The following INSYN2B variants were observed in gnomAD, a reference collection of about 807,000 sequenced individuals.
INSYN2B encodes inhibitory synaptic factor family member 2B.
A neutral mutation model predicts 41.2 loss-of-function variants in INSYN2B; 16 were observed. That is an observed-to-expected ratio of 0.39 (90% CI 0.26 to 0.59). The LOEUF (loss-of-function observed/expected upper bound fraction) is 0.59, where lower values mean the gene tolerates loss of function less well. Ranked by LOEUF, INSYN2B falls within the 20% of genes least tolerant of loss-of-function variation. The pLI, the probability that INSYN2B is intolerant of heterozygous loss-of-function variation, is 0.57. For synonymous variants in INSYN2B, 245 were observed against 244.4 expected (o/e 1.00, Z -0.02); for missense variants, 608 against 646.4 (o/e 0.94, Z 0.64).
At chr5:169,927,171 G>A (rs998209403) in intron 1 of INSYN2B, among the ~76,000 whole-genome samples, 12 of 151,760 alleles carry the variant, frequency 7.9e-5, no homozygotes, top group South Asian at 2.1e-4. Context: ...GGAAGATCTC[G>A]GCCCTTTCCA....
intron 1 of INSYN2B, among the ~76,000 whole-genome samples, chr5:169,933,874 G>T (rs1192352540): frequency 6.6e-6 from 1 of 152,144 alleles, no homozygotes; most frequent in Non-Finnish European, 1.5e-5. Context: ...TGAACAGAGC[G>T]TGCTCCAGGG....
At chr5:169,932,685 T>C (rs1267814581) in intron 1 of INSYN2B, among the ~76,000 whole-genome samples, 1 of 152,186 alleles carries the variant, frequency 6.6e-6, no homozygotes, top group East Asian at 1.9e-4. Context: ...CAAGGCTCTT[T>C]CCCTGTTCCC....
At chr5:169,930,668 T>C (rs1775710060) in intron 1 of INSYN2B, among the ~76,000 whole-genome samples, 1 of 152,220 alleles carries the variant, frequency 6.6e-6, no homozygotes, top group South Asian at 2.1e-4. Flanking sequence ...AATTAAGTTT[T>C]GTAATTTTAC....
chr5:169,924,920 A>AGT (rs1180214662), intron 1 of INSYN2B, among the ~76,000 whole-genome samples: 2 of 152,132 alleles, frequency 1.3e-5, no homozygotes, highest in Non-Finnish European at 2.9e-5. Context: ...TGAAAATGGG[A>AGT]GTGTGTGTCC....
intron 1 of INSYN2B, among the ~76,000 whole-genome samples, chr5:169,912,753 G>A (rs1179762700): frequency 3.3e-5 from 5 of 152,066 alleles, no homozygotes; most frequent in African/African-American, 1.2e-4. Flanking sequence ...TTTTGGTAAA[G>A]AAAGGAGGAT....
At chr5:169,927,765 C>T (rs566163448) in intron 1 of INSYN2B, among the ~76,000 whole-genome samples, 6 of 152,256 alleles carry the variant, frequency 3.9e-5, no homozygotes, top group African/African-American at 4.8e-5. Flanking sequence ...TACAGGCGCC[C>T]GCCACCACGC....
intron 1 of INSYN2B, among the ~76,000 whole-genome samples, chr5:169,899,867 A>T (rs1250685357): frequency 2.6e-5 from 4 of 152,046 alleles, no homozygotes. Flanking sequence ...AATTAAGCAG[A>T]CTCTTACAGC....
intron 1 of INSYN2B, among the ~76,000 whole-genome samples, chr5:169,922,490 C>A (rs1481770928): frequency 6.6e-6 from 1 of 152,210 alleles, no homozygotes; most frequent in African/African-American, 2.4e-5. Context: ...GGGCTTGATA[C>A]ATTTAATTAT....
rs184490639 is a variant in INSYN2B, at chr5:169,904,047, C to T, written c.-918-19231G>A. The stretch of plus-strand genomic sequence containing the variant: ...GGCAGAGGTTGCAGTGAGCCGAGAT[C>T]GTTCCATTGACTCCAGCCTGGGCAA... On this transcript the variant is annotated intron_variant, in intron 1 of 3. Transcript: ENST00000377365. 3.0e-3 allele frequency among the ~76,000 whole-genome samples: 418 copies of T among 139,494 alleles called. 1 individual carries two copies. The highest frequency in any genetic ancestry group is 0.011 in the African/African-American group (398 of 35,504). The allele number at this position is 139,494 out of a possible 152,430, so 91.5% of individuals were successfully genotyped here. A position where few individuals can be genotyped will look rare whatever the true frequency, so the allele number is the denominator to read the frequency against.
intron 1 of INSYN2B, among the ~76,000 whole-genome samples, chr5:169,946,636 G>C (rs1462763795): frequency 6.6e-6 from 1 of 152,200 alleles, no homozygotes; most frequent in East Asian, 1.9e-4. Flanking sequence ...ATCAGCCACT[G>C]TTTCAAGGAA....
chr5:169,973,822 T>C (rs1261689817), intron 1 of INSYN2B, among the ~76,000 whole-genome samples: 1 of 152,216 alleles, frequency 6.6e-6, no homozygotes, highest in African/African-American at 2.4e-5. Context: ...GGTCTATCTG[T>C]GTATATCATC....
At chr5:169,946,356 C>T (rs186310240) in intron 1 of INSYN2B, among the ~76,000 whole-genome samples, 4 of 152,262 alleles carry the variant, frequency 2.6e-5, no homozygotes, top group East Asian at 1.9e-4. Context: ...CTGAGGGGGA[C>T]GAGTCACAGG....
intron 1 of INSYN2B, among the ~76,000 whole-genome samples, chr5:169,886,983 T>TC (rs1773010861): frequency 6.6e-6 from 1 of 152,164 alleles, no homozygotes; most frequent in Non-Finnish European, 1.5e-5. Flanking sequence ...TGCGATCAGT[T>TC]CCCCACTTTA....
intron 1 of INSYN2B, among the ~76,000 whole-genome samples, chr5:169,917,601 G>C (rs111377313): frequency 3.9e-4 from 59 of 152,262 alleles, no homozygotes; most frequent in African/African-American, 1.3e-3. Flanking sequence ...TTTTCTAATC[G>C]ATTGCTTGCT....
At chr5:169,946,269 C>G (rs1314916918) in intron 1 of INSYN2B, among the ~76,000 whole-genome samples, 1 of 152,180 alleles carries the variant, frequency 6.6e-6, no homozygotes, top group Non-Finnish European at 1.5e-5. Flanking sequence ...GTTCCAGCCC[C>G]CCACATCCAG....
chr5:169,947,805 G>A (rs982658028), intron 1 of INSYN2B, among the ~76,000 whole-genome samples: 9 of 152,126 alleles, frequency 5.9e-5, no homozygotes, highest in African/African-American at 2.2e-4. Flanking sequence ...GTGCCTGCTG[G>A]GTGAGCATGA....
rs952222025 is a variant in INSYN2B at position 169,862,600 on chromosome 5, A to G, written c.*1673T>C. On this transcript the variant is annotated 3_prime_UTR_variant, in exon 4 of 4. Coordinates refer to ENST00000377365, the MANE Select transcript of INSYN2B (RefSeq NM_001129891.3). ...CAAGTGTATTTATCTTAATTCTAAC[A>G]TGACGTTATATATTCCGGTCTGATT... 6.6e-6 allele frequency among the ~76,000 whole-genome samples: 1 copy of G among 152,248 alleles called. No individual in the cohort carries two copies. The highest frequency in any genetic ancestry group is 1.5e-5 in the Non-Finnish European group (1 of 68,052).
chr5:169,943,555 G>A (rs752282931), intron 1 of INSYN2B, among the ~76,000 whole-genome samples: 5 of 152,138 alleles, frequency 3.3e-5, no homozygotes, highest in African/African-American at 4.8e-5. Context: ...GAGAGTTGCC[G>A]TTTTCACAAG....
At chr5:169,980,110 A>G (rs1777887390) in intron 1 of INSYN2B, among the ~76,000 whole-genome samples, 167 bp downstream of exon 1, 1 of 152,170 alleles carries the variant, frequency 6.6e-6, no homozygotes, top group East Asian at 1.9e-4. Context: ...CAGTTCTGAC[A>G]ATGGTGGATT....
Sources: gnomAD v4.1 joint callset for allele counts (sites outside exome capture counted in the v4.1 genomes callset) on GRCh38, gnomAD v4.1.1 for gene constraint, MANE v1.5 for transcripts, NCBI Gene and HGNC (gene_info 2026-07-23, HGNC 2026-07-21) for gene names.